Variants in MDM2 observed in about 807,000 individuals in gnomAD.
MDM2 encodes MDM2 proto-oncogene.
Under a neutral mutation model 64.3 loss-of-function variants are expected in MDM2, and 11 were observed. That is an observed-to-expected ratio of 0.17 (90% CI 0.11 to 0.28). MDM2 has a LOEUF of 0.28. Ranked by LOEUF, MDM2 falls within the 10% of genes least tolerant of loss-of-function variation. MDM2 has a pLI of 1.00. For synonymous variants in MDM2, 194 were observed against 192.9 expected (o/e 1.01, Z -0.05); for missense variants, 388 against 577.1 (o/e 0.67, Z 3.36).
intron 4 of MDM2, among the ~76,000 whole-genome samples, chr12:68,818,519 T>G (rs1008595225): frequency 6.1e-5 from 9 of 148,640 alleles, no homozygotes; most frequent in Non-Finnish European, 1.2e-4. Context: ...TTCATCTAGC[T>G]TCTTAATTTG....
intron 5 of MDM2, 37 bp from the exon 6 acceptor site, chr12:68,824,326 C>G: frequency 6.4e-7 from 1 of 1,568,442 alleles, no homozygotes; most frequent in Non-Finnish European, 8.8e-7. Flanking sequence ...GCCCCCCGCC[C>G]ACCACCAAGT....
chr12:68,850,600 C>T, the MDM2 span: 1 of 152,154 alleles, frequency 6.6e-6, no homozygotes, highest in Non-Finnish European at 1.5e-5. Context: ...TTTCCAGTTC[C>T]TACTGGAGGC....
chr12:68,819,972 C>G (rs905856990), intron 4 of MDM2, among the ~76,000 whole-genome samples: 1 of 152,132 alleles, frequency 6.6e-6, no homozygotes, highest in Non-Finnish European at 1.5e-5. Context: ...AAGCACAGAG[C>G]TAAAAACATT....
chr12:68,842,021 T>C lies in MDM2; in HGVS notation c.*2172T>C, dbSNP rs1336396304. On this transcript the variant is annotated 3_prime_UTR_variant, in exon 11 of 11. Transcript: ENST00000258149. ...GGTGTTCAGATTGTATAAACATAAA[T>C]GTCACAAAAACTTTAAAAGAAGTGC... The C allele has an allele frequency of 2.5e-6, 1 of 407,208 alleles. No homozygotes were observed. The highest frequency in any genetic ancestry group is 2.0e-5 in the African/African-American group (1 of 49,350). 25.2% of individuals were successfully genotyped at this position (407,208 alleles called of 1,614,324 possible).
chr12:68,836,553 T>G, intron 9 of MDM2, 119 bp from the exon 10 acceptor site: 1 of 758,680 alleles, frequency 1.3e-6, no homozygotes, highest in Non-Finnish European at 2.4e-6. Flanking sequence ...TATTTGATAT[T>G]GTCTAAGGCT....
At chr12:68,809,551 C>T (rs1014166924) in intron 2 of MDM2, among the ~76,000 whole-genome samples, 6 of 152,078 alleles carry the variant, frequency 3.9e-5, no homozygotes, top group Admixed American at 2.6e-4. Flanking sequence ...ACGTTTGTTA[C>T]GTGACTGATT....
At chr12:68,822,804 G>A (rs1342785204) in intron 5 of MDM2, among the ~76,000 whole-genome samples, 1 of 150,796 alleles carries the variant, frequency 6.6e-6, no homozygotes, top group Non-Finnish European at 1.5e-5. Context: ...GCAGTGGTGC[G>A]ATCTCGGATC....
chr12:68,819,523 C>T (rs1283564414), intron 4 of MDM2, among the ~76,000 whole-genome samples: 1 of 152,060 alleles, frequency 6.6e-6, no homozygotes, highest in Admixed American at 6.6e-5. Flanking sequence ...CGGAGTTTTG[C>T]TCTTGTTGCC....
At chr12:68,817,127 G>C in intron 4 of MDM2, 182 bp downstream of exon 4, 1 of 594,766 alleles carries the variant, frequency 1.7e-6, no homozygotes, top group East Asian at 3.4e-5. Flanking sequence ...TTATAAACCA[G>C]TGTTTGAAAC....
At chr12:68,809,997 CTA>C (rs1880719251) in intron 2 of MDM2, among the ~76,000 whole-genome samples, 1 of 152,092 alleles carries the variant, frequency 6.6e-6, no homozygotes, top group Non-Finnish European at 1.5e-5. Context: ...TCCCGTGTGA[CTA>C]TTTCTGTAAG....
At chr12:68,824,316 GC>G (rs1375455517) in intron 5 of MDM2, 46 bp from the exon 6 acceptor site, 2 of 1,030,138 alleles carry the variant, frequency 1.9e-6, no homozygotes, top group Non-Finnish European at 3.0e-6. Flanking sequence ...GCGCCCCGCC[GC>G]CCCCCGCCCA....
At position 68,844,683 on chromosome 12, in the gene MDM2, C is replaced by T. The variant is rs1040034861; in HGVS notation, c.*4834C>T. 3.7e-4 allele frequency: 82 copies of T among 223,242 alleles called. No individual in the cohort carries two copies. The highest frequency in any genetic ancestry group is 1.7e-3 in the African/African-American group (77 of 44,862). 13.8% of individuals were successfully genotyped at this position (223,242 alleles called of 1,614,324 possible). A position where few individuals can be genotyped will look rare whatever the true frequency, so the allele number is the denominator to read the frequency against. On this transcript the variant is annotated 3_prime_UTR_variant, in exon 11 of 11. Transcript: ENST00000258149. ...AAAAAAACTGGCTTTAAAGCAGGAG[C>T]TTGTGGGCCCCTAAGCCAGACGGGG...
At chr12:68,814,816 A>C (rs1881209905) in intron 3 of MDM2, 1 of 160,152 alleles carries the variant, frequency 6.2e-6, no homozygotes, top group African/African-American at 2.4e-5. Context: ...GCAGAATTTC[A>C]GTGTGATTGA....
Position 68,820,367 on chromosome 12 carries a change from TCAG to T in MDM2, c.355_357del (p.Gln119del). The T allele has an allele frequency of 6.2e-7, 1 of 1,604,850 alleles. No individual in the cohort carries two copies. The highest frequency in any genetic ancestry group is 8.5e-7 in the Non-Finnish European group (1 of 1,175,898). ...TCTACAGGAACTTGGTAGTAGTCAA[TCAG>T]CAGGGTAAGTTAATTTTGAGCATCA... is the stretch of plus-strand genomic sequence containing the variant. On this transcript the variant is annotated inframe_deletion, in exon 5 of 11. Transcript: ENST00000258149.
intron 7 of MDM2, among the ~76,000 whole-genome samples, chr12:68,825,206 C>G (rs1039481144): frequency 1.3e-5 from 2 of 151,798 alleles, no homozygotes; most frequent in Non-Finnish European, 2.9e-5. Flanking sequence ...GAGACTTCGT[C>G]TAAAAAGAAA....
At chr12:68,816,726 T>C (rs1427404482) in intron 3 of MDM2, 86 bp from the exon 4 acceptor site, 8 of 1,171,434 alleles carry the variant, frequency 6.8e-6, no homozygotes, top group Non-Finnish European at 9.3e-6. Context: ...TGTTTACCCC[T>C]ATTCAGATAA....
At chr12:68,837,954 TAATTG>T (rs1883443646) in intron 10 of MDM2, among the ~76,000 whole-genome samples, 1 of 152,208 alleles carries the variant, frequency 6.6e-6, no homozygotes, top group African/African-American at 2.4e-5. Flanking sequence ...AATAAATAAC[TAATTG>T]AATCATTTGA....
intron 10 of MDM2, among the ~76,000 whole-genome samples, chr12:68,837,565 A>AG (rs1883411057): frequency 6.6e-6 from 1 of 152,054 alleles, no homozygotes; most frequent in Non-Finnish European, 1.5e-5. Flanking sequence ...CATGTTGCCC[A>AG]GGATGGTCTT....
At position 68,809,287 on chromosome 12, in the gene MDM2, A is replaced by C; in HGVS notation, c.94A>C (p.Thr32Pro). The C allele has an allele frequency of 6.2e-7, 1 of 1,613,716 alleles. No homozygotes were observed. The highest frequency in any genetic ancestry group is 2.2e-5 in the East Asian group (1 of 44,874). The change falls in exon 2 of 11, where the codon ACC becomes CCC. Residue 32 changes from threonine (T) to proline (P), a missense_variant. Transcript: ENST00000258149. Reference protein sequence around the residue: ...TSQIPASEQETLVRPKPLLLK... With the variant: ...TSQIPASEQEPLVRPKPLLLK... Reference sequence around the variant, plus strand: ...ACAGATTCCAGCTTCGGAACAAGAGACCCTGGTTAGTATTTTTGTCTCGTG... The same window carrying C: ...ACAGATTCCAGCTTCGGAACAAGAGCCCCTGGTTAGTATTTTTGTCTCGTG...
Sources: gnomAD v4.1 joint callset for allele counts (sites outside exome capture counted in the v4.1 genomes callset) on GRCh38, gnomAD v4.1.1 for gene constraint, MANE v1.5 for transcripts, NCBI Gene and HGNC (gene_info 2026-07-23, HGNC 2026-07-21) for gene names.